The following GRIK3 variants were observed in gnomAD, a reference collection of about 807,000 sequenced individuals.
The protein encoded by GRIK3 is glutamate receptor ionotropic, kainate 3.
In GRIK3, 29 loss-of-function variants were observed where a neutral mutation model predicts 102.5. The ratio of observed to expected loss-of-function variants is 0.28; its 90% CI spans 0.21 to 0.39. The LOEUF is 0.39. Among genes scored for constraint, GRIK3 ranks in the 10% least tolerant of loss-of-function variants. The pLI is 1.00. For missense variants in GRIK3, 908 were observed against 1,252.4 expected (o/e 0.73, Z 4.15); for synonymous variants, 511 against 504.9 (o/e 1.01, Z -0.16).
intron 5 of GRIK3, among the ~76,000 whole-genome samples, chr1:36,864,299 C>G (rs566420): frequency 0.88 from 134,234 of 152,056 alleles, 59,876 homozygotes; most frequent in East Asian, 0.97. Flanking sequence ...GAAGGATTTC[C>G]TTTTGGACAG....
intron 1 of GRIK3, among the ~76,000 whole-genome samples, chr1:36,935,128 T>A (rs950250090): frequency 3.9e-5 from 6 of 152,204 alleles, no homozygotes; most frequent in African/African-American, 1.4e-4. Flanking sequence ...CTGTTGCCCC[T>A]ACCATTTGTA....
intron 1 of GRIK3, among the ~76,000 whole-genome samples, chr1:36,967,320 T>C (rs950251032): frequency 6.6e-6 from 1 of 152,262 alleles, no homozygotes; most frequent in African/African-American, 2.4e-5. Context: ...ATCTCTGAAG[T>C]GCTTCTCACT....
At chr1:36,857,411 G>A (rs912132838) in intron 7 of GRIK3, among the ~76,000 whole-genome samples, 4 of 152,224 alleles carry the variant, frequency 2.6e-5, no homozygotes, top group Non-Finnish European at 5.9e-5. Flanking sequence ...GCAGTTTTGA[G>A]GGATGGGAAG....
intron 1 of GRIK3, among the ~76,000 whole-genome samples, chr1:36,973,874 A>G (rs1402140912): frequency 1.3e-5 from 2 of 152,094 alleles, no homozygotes; most frequent in Admixed American, 6.6e-5. Flanking sequence ...CATGGACAGT[A>G]CCCTGCCCTT....
At chr1:36,990,383 T>C (rs908791689) in intron 1 of GRIK3, among the ~76,000 whole-genome samples, 3 of 152,168 alleles carry the variant, frequency 2.0e-5, no homozygotes, top group Admixed American at 6.5e-5. Context: ...ATCCTGCTTC[T>C]CTTCCCAACT....
chr1:36,918,337 T>A (rs772652230), intron 1 of GRIK3, among the ~76,000 whole-genome samples: 1 of 152,232 alleles, frequency 6.6e-6, no homozygotes, highest in Non-Finnish European at 1.5e-5. Context: ...TTCTGCCCTA[T>A]GTCCCTTTAA....
At chr1:36,937,678 T>G (rs577630342) in intron 1 of GRIK3, among the ~76,000 whole-genome samples, 3 of 151,732 alleles carry the variant, frequency 2.0e-5, no homozygotes, top group Non-Finnish European at 4.4e-5. Flanking sequence ...AGGAAATAAG[T>G]AAGACTCAAA....
At chr1:37,029,583 C>T (rs1642799026) in intron 1 of GRIK3, among the ~76,000 whole-genome samples, 1 of 152,252 alleles carries the variant, frequency 6.6e-6, no homozygotes, top group Non-Finnish European at 1.5e-5. Flanking sequence ...CTTCACCAAG[C>T]AGGCCTGCAG....
At chr1:36,976,538 G>A (rs1448469161) in intron 1 of GRIK3, among the ~76,000 whole-genome samples, 1 of 152,066 alleles carries the variant, frequency 6.6e-6, no homozygotes, top group Admixed American at 6.5e-5. Context: ...GAATGCCAAG[G>A]TGGACAAGGT....
Position 37,034,138 on chromosome 1 carries a change from G to A in GRIK3, c.-30C>T. 2.5e-6 allele frequency: 3 copies of A among 1,216,672 alleles called. No individual in the cohort carries two copies. The highest frequency in any genetic ancestry group is 2.7e-4 in the Middle Eastern group (1 of 3,682). The allele number at this position is 1,216,672 out of a possible 1,614,324, so 75.4% of individuals were successfully genotyped here. A position where few individuals can be genotyped will look rare whatever the true frequency, so the allele number is the denominator to read the frequency against. On this transcript the variant is annotated 5_prime_UTR_variant, in exon 1 of 16. Coordinates refer to ENST00000373091, the MANE Select transcript of GRIK3 (RefSeq NM_000831.4). ...GGGCGCCGCCGAGCGTGCCCGGGGC[G>A]CGGCCGTGGCGGGCTCCCTGGGGCG...
intron 1 of GRIK3, among the ~76,000 whole-genome samples, chr1:36,904,230 G>A (rs1641260757): frequency 6.6e-6 from 1 of 152,234 alleles, no homozygotes; most frequent in Admixed American, 6.5e-5. Flanking sequence ...CTTACAGTTT[G>A]TAACACTTAA....
chr1:37,025,384 G>T (rs1642755868), intron 1 of GRIK3, among the ~76,000 whole-genome samples: 5 of 152,194 alleles, frequency 3.3e-5, no homozygotes, highest in Admixed American at 3.3e-4. Context: ...GGAATCAGAA[G>T]CTCTGCGGAT....
At chr1:36,964,557 T>C (rs1178523685) in intron 1 of GRIK3, among the ~76,000 whole-genome samples, 2 of 152,226 alleles carry the variant, frequency 1.3e-5, no homozygotes, top group Non-Finnish European at 2.9e-5. Context: ...CTTGGATACT[T>C]TCTCATGTTC....
At chr1:36,954,316 T>C (rs1316757184) in intron 1 of GRIK3, among the ~76,000 whole-genome samples, 2 of 152,118 alleles carry the variant, frequency 1.3e-5, no homozygotes, top group Non-Finnish European at 2.9e-5. Flanking sequence ...CCCTGCTGCC[T>C]CTCCTGGAGC....
intron 11 of GRIK3, among the ~76,000 whole-genome samples, chr1:36,825,380 G>C (rs1412837408): frequency 6.6e-6 from 1 of 152,182 alleles, no homozygotes; most frequent in Non-Finnish European, 1.5e-5. Flanking sequence ...ACACAGACGA[G>C]GGTGAGGACC....
At chr1:36,952,225 T>C (rs1346937245) in intron 1 of GRIK3, among the ~76,000 whole-genome samples, 1 of 152,198 alleles carries the variant, frequency 6.6e-6, no homozygotes, top group Non-Finnish European at 1.5e-5. Flanking sequence ...CAAAGAGCCC[T>C]TCCTCCATGG....
chr1:36,828,201 A>G (rs946853715), intron 10 of GRIK3, among the ~76,000 whole-genome samples: 1 of 151,728 alleles, frequency 6.6e-6, no homozygotes. Context: ...GTGGGGTGGG[A>G]GCCTGAGTGA....
At chr1:36,862,669 G>A (rs1232151448) in intron 5 of GRIK3, among the ~76,000 whole-genome samples, 2 of 152,146 alleles carry the variant, frequency 1.3e-5, no homozygotes, top group African/African-American at 2.4e-5. Context: ...CCTCCAGGGC[G>A]GCTCCCTGAG....
At chr1:37,024,488 T>G (rs1642747267) in intron 1 of GRIK3, among the ~76,000 whole-genome samples, 1 of 146,130 alleles carries the variant, frequency 6.8e-6, no homozygotes, top group African/African-American at 2.5e-5. Flanking sequence ...TTTTGAGATA[T>G]TAAATACTTT....
Sources: gnomAD v4.1 joint callset for allele counts (sites outside exome capture counted in the v4.1 genomes callset) on GRCh38, gnomAD v4.1.1 for gene constraint, MANE v1.5 for transcripts, NCBI Gene and HGNC (gene_info 2026-07-23, HGNC 2026-07-21) for gene names.